Variants in XKR9 observed in about 807,000 individuals in gnomAD.
XKR9 encodes XK-related protein 9.
A neutral mutation model predicts 32.0 loss-of-function variants in XKR9; 32 were observed. The observed-to-expected ratio is 1.00, with a 90% confidence interval of 0.76 to 1.34. The LOEUF (loss-of-function observed/expected upper bound fraction) is 1.34. Ranked by LOEUF, XKR9 falls within the 40% of genes most tolerant of loss-of-function variation. The probability of loss-of-function intolerance (pLI) is 0.00; values close to 1 mark genes in which losing one functional copy is unlikely to be tolerated. For missense variants in XKR9, 546 were observed against 429.7 expected (o/e 1.27, Z -2.39); for synonymous variants, 168 against 143.4 (o/e 1.17, Z -1.22).
chr8:70,787,535 C>T (rs1339748261), intron 2 of XKR9, among the ~76,000 whole-genome samples: 1 of 152,030 alleles, frequency 6.6e-6, no homozygotes, highest in East Asian at 1.9e-4. Context: ...TTAGCATAGT[C>T]CTGAGTACAC....
intron 4 of XKR9, among the ~76,000 whole-genome samples, chr8:70,710,869 T>A (rs1805895761): frequency 6.6e-6 from 1 of 152,120 alleles, no homozygotes; most frequent in Non-Finnish European, 1.5e-5. Flanking sequence ...GAGAAAATAT[T>A]TGCAAACTAT....
At chr8:70,752,671 T>C (rs1464692178) in intron 2 of XKR9, among the ~76,000 whole-genome samples, 6 of 152,116 alleles carry the variant, frequency 3.9e-5, no homozygotes, top group Non-Finnish European at 7.4e-5. Flanking sequence ...CAAAGTCCAA[T>C]TTATCAGTTT....
At chr8:70,712,392 A>G (rs1270684320) in intron 4 of XKR9, among the ~76,000 whole-genome samples, 4 of 152,136 alleles carry the variant, frequency 2.6e-5, no homozygotes, top group Admixed American at 6.6e-5. Context: ...TCTGAAGGCA[A>G]TTATACTCTG....
the XKR9 span, among the ~76,000 whole-genome samples, chr8:70,838,282 T>G: frequency 6.6e-6 from 1 of 152,070 alleles, no homozygotes; most frequent in African/African-American, 2.4e-5. Context: ...TATTATTGAT[T>G]CCATTTTATA....
At chr8:70,977,912 G>T in the XKR9 span, among the ~76,000 whole-genome samples, 12 of 152,032 alleles carry the variant, frequency 7.9e-5, no homozygotes, top group Non-Finnish European at 1.6e-4. Context: ...TATGAATCTG[G>T]GTGCTCCTGT....
chr8:71,024,753 T>C, the XKR9 span, among the ~76,000 whole-genome samples: 24 of 152,292 alleles, frequency 1.6e-4, no homozygotes, highest in Middle Eastern at 3.4e-3. Context: ...CTGGGAAGAC[T>C]CTCTGGGCTC....
the XKR9 span, among the ~76,000 whole-genome samples, chr8:70,872,664 G>T: frequency 6.6e-6 from 1 of 152,174 alleles, no homozygotes; most frequent in South Asian, 2.1e-4. Context: ...AATGCAGCTG[G>T]TGGCTTTTTT....
chr8:70,815,048 T>C, the XKR9 span, among the ~76,000 whole-genome samples: 1 of 152,216 alleles, frequency 6.6e-6, no homozygotes, highest in South Asian at 2.1e-4. Context: ...AAAAGATCTC[T>C]ATAAGGACAA....
chr8:70,736,495 G>T (rs1259042099), downstream of XKR9, among the ~76,000 whole-genome samples: 3 of 152,070 alleles, frequency 2.0e-5, no homozygotes, highest in Non-Finnish European at 4.4e-5. Context: ...GTCAATTTTG[G>T]CTTTTGTTGC....
intron 3 of XKR9, among the ~76,000 whole-genome samples, chr8:70,684,488 A>T (rs974237953): frequency 1.3e-5 from 2 of 152,144 alleles, no homozygotes; most frequent in African/African-American, 4.8e-5. Flanking sequence ...ATAAGCATAC[A>T]TAATCAAATA....
At chr8:70,785,955 C>A (rs1369169248) in intron 2 of XKR9, among the ~76,000 whole-genome samples, 1 of 151,864 alleles carries the variant, frequency 6.6e-6, no homozygotes, top group Non-Finnish European at 1.5e-5. Context: ...TCCAAAAGTG[C>A]TGGGATTACA....
chr8:70,725,731 C>T (rs577182613), intron 4 of XKR9, among the ~76,000 whole-genome samples: 1 of 152,186 alleles, frequency 6.6e-6, no homozygotes, highest in South Asian at 2.1e-4. Flanking sequence ...CATTGTGAAA[C>T]CCTGTCTCTA....
At chr8:70,918,706 A>AAAAAC in the XKR9 span, among the ~76,000 whole-genome samples, 2 of 151,578 alleles carry the variant, frequency 1.3e-5, no homozygotes, top group Non-Finnish European at 2.9e-5. Flanking sequence ...AAACAAAAAT[A>AAAAAC]AAAACAAAAA....
At chr8:70,904,434 A>T in the XKR9 span, among the ~76,000 whole-genome samples, 15 of 149,100 alleles carry the variant, frequency 1.0e-4, no homozygotes, top group African/African-American at 3.6e-4. Flanking sequence ...GACTGGGATT[A>T]CAAACCCTGC....
intron 2 of XKR9, among the ~76,000 whole-genome samples, chr8:70,766,522 T>C (rs918535182): frequency 2.0e-5 from 3 of 152,220 alleles, no homozygotes; most frequent in Non-Finnish European, 4.4e-5. Context: ...TTTCTAAATA[T>C]ACAATCATAT....
At chr8:70,691,069 ATC>A (rs1197601776) in intron 3 of XKR9, among the ~76,000 whole-genome samples, 1 of 152,152 alleles carries the variant, frequency 6.6e-6, no homozygotes. Context: ...CCTCGCCAGC[ATC>A]TGTTATTTTT....
chr8:70,696,624 C>T (rs1444573799), intron 3 of XKR9, among the ~76,000 whole-genome samples: 4 of 146,334 alleles, frequency 2.7e-5, no homozygotes, highest in African/African-American at 1.0e-4. Context: ...CGTGATGCCT[C>T]CAGCTTTGTT....
downstream of XKR9, among the ~76,000 whole-genome samples, chr8:70,795,312 G>T (rs759788239): frequency 6.6e-6 from 1 of 151,772 alleles, no homozygotes; most frequent in Non-Finnish European, 1.5e-5. Flanking sequence ...ATAGGATCTC[G>T]CTTATAGCTG....
chr8:70,848,064 T>C, the XKR9 span, among the ~76,000 whole-genome samples: 1 of 152,018 alleles, frequency 6.6e-6, no homozygotes, highest in African/African-American at 2.4e-5. Context: ...GCAAAAATTC[T>C]CAACAAAATA....
Sources: allele counts gnomAD v4.1 joint callset (sites outside exome capture counted in the v4.1 genomes callset), GRCh38; gene constraint gnomAD v4.1.1; transcripts MANE v1.5; gene names NCBI Gene and HGNC (gene_info 2026-07-23, HGNC 2026-07-21).